Variants in TDP2 observed in about 807,000 individuals in gnomAD.
The protein encoded by TDP2 is 5'-Tyr-DNA phosphodiesterase.
In TDP2, 38 loss-of-function variants were observed where a neutral mutation model predicts 42.8. That is an observed-to-expected ratio of 0.89 (90% confidence interval 0.68 to 1.16). The LOEUF (loss-of-function observed/expected upper bound fraction) is 1.16. Ranked by LOEUF, TDP2 falls within the 50% of genes most tolerant of loss-of-function variation. The probability of loss-of-function intolerance (pLI) is 0.00; values close to 1 mark genes in which losing one functional copy is unlikely to be tolerated. For synonymous variants in TDP2, 173 were observed against 150.6 expected (o/e 1.15, Z -1.09); for missense variants, 439 against 439.3 (o/e 1.00, Z 0.01).
intron 2 of TDP2, chr6:24,665,887 G>C (rs772031940): frequency 8.8e-6 from 4 of 452,226 alleles, no homozygotes; most frequent in Non-Finnish European, 1.5e-5. Context: ...AAAAATTCCA[G>C]GCACAGGTAA....
intron 6 of TDP2, 101 bp from the exon 7 acceptor site, chr6:24,651,170 T>C: frequency 2.2e-6 from 2 of 913,256 alleles, no homozygotes; most frequent in Non-Finnish European, 3.2e-6. Flanking sequence ...GTGCAAGAAA[T>C]TATTAATGCA....
intron 2 of TDP2, among the ~76,000 whole-genome samples, chr6:24,663,788 G>A (rs1201313111): frequency 6.6e-6 from 1 of 152,178 alleles, no homozygotes; most frequent in Non-Finnish European, 1.5e-5. Context: ...CTGCAGAACT[G>A]TTAGCCAATT....
chr6:24,654,951 T>G (rs752497768), intron 4 of TDP2, among the ~76,000 whole-genome samples: 19 of 152,138 alleles, frequency 1.2e-4, no homozygotes, highest in Non-Finnish European at 2.2e-4. Context: ...ATTAGGCAAA[T>G]CACTTGAACC....
chr6:24,661,014 T>C (rs2127618350), intron 2 of TDP2, among the ~76,000 whole-genome samples: 1 of 152,346 alleles, frequency 6.6e-6, no homozygotes, highest in Non-Finnish European at 1.5e-5. Context: ...ATCACTTGGT[T>C]AAAGTGTTGT....
At chr6:24,666,195 T>C (rs1435120962) in intron 2 of TDP2, 4 of 1,550,264 alleles carry the variant, frequency 2.6e-6, no homozygotes, top group Non-Finnish European at 3.5e-6. Context: ...CAAGTTGCCA[T>C]TTTTCGATAG....
chr6:24,662,242 G>C (rs1339960115), intron 2 of TDP2, among the ~76,000 whole-genome samples: 1 of 152,010 alleles, frequency 6.6e-6, no homozygotes, highest in African/African-American at 2.4e-5. Flanking sequence ...CCCAAAAAGG[G>C]TCTGTGTTGA....
chr6:24,666,171 A>C, intron 2 of TDP2: 1 of 1,550,658 alleles, frequency 6.4e-7, no homozygotes, highest in Non-Finnish European at 8.7e-7. Flanking sequence ...CAATACAGGA[A>C]GCAAGGAGAC....
chr6:24,651,685 C>G (rs971038911), intron 6 of TDP2, among the ~76,000 whole-genome samples: 16 of 151,538 alleles, frequency 1.1e-4, no homozygotes, highest in Non-Finnish European at 2.9e-5. Context: ...CTCCCAGGTT[C>G]AAGCAATTCT....
Position 24,653,010 on chromosome 6 carries a change from T to A in TDP2, c.780A>T (p.Ala260=). 6.2e-7 allele frequency: 1 copy of A among 1,613,840 alleles called. No individual in the cohort carries two copies. The highest frequency in any genetic ancestry group is 8.5e-7 in the Non-Finnish European group (1 of 1,180,016). The change falls in exon 6 of 7, where the codon GCA becomes GCT. Residue 260 remains alanine (A), a synonymous_variant. Transcript: ENST00000378198. ...EAPESATVIF[A]GDTNLRDREV... ...CTCGATCCCTTAGATTTGTATCTCCTGCAAATATAACTGTAGCTGACTCTG... is the reference window on the plus strand; with the variant it reads ...CTCGATCCCTTAGATTTGTATCTCCAGCAAATATAACTGTAGCTGACTCTG...
chr6:24,651,844 C>T (rs1750584999), intron 6 of TDP2, among the ~76,000 whole-genome samples: 2 of 152,204 alleles, frequency 1.3e-5, no homozygotes, highest in South Asian at 4.1e-4. Flanking sequence ...ACCTCGGCCT[C>T]CCAAAGTGCT....
At chr6:24,656,725 A>C (rs1778066487) in intron 4 of TDP2, among the ~76,000 whole-genome samples, 1 of 152,178 alleles carries the variant, frequency 6.6e-6, no homozygotes, top group Admixed American at 6.5e-5. Flanking sequence ...TCTGAAGGAA[A>C]ACATCTATTT....
At chr6:24,652,118 A>G (rs748926995) in intron 6 of TDP2, among the ~76,000 whole-genome samples, 2 of 152,226 alleles carry the variant, frequency 1.3e-5, no homozygotes, top group Non-Finnish European at 2.9e-5. Context: ...GGAATCATAT[A>G]GTATCTTTTC....
Position 24,650,599 on chromosome 6 carries a change from G to A in TDP2, c.*189C>T. 1.6e-6 allele frequency: 1 copy of A among 625,020 alleles called. No homozygotes were observed. Among genetic ancestry groups the A allele is most frequent in the Non-Finnish European group, 2.7e-6 (1 of 369,270 alleles). 38.7% of individuals were successfully genotyped at this position (625,020 alleles called of 1,614,324 possible). A position where few individuals can be genotyped will look rare whatever the true frequency, so the allele number is the denominator to read the frequency against. ...TATTAAATGGCCTCACATCCTGAAT[G>A]CAGGAATGTGTTCGTTTAAATAAAC... On this transcript the variant is annotated 3_prime_UTR_variant, in exon 7 of 7. Coordinates refer to ENST00000378198, the MANE Select transcript of TDP2 (RefSeq NM_016614.3).
At chr6:24,664,032 G>A (rs1230115251) in intron 2 of TDP2, among the ~76,000 whole-genome samples, 1 of 152,194 alleles carries the variant, frequency 6.6e-6, no homozygotes, top group Non-Finnish European at 1.5e-5. Flanking sequence ...GCAAACTTTA[G>A]GGGCATGATT....
chr6:24,650,273 A>G lies in TDP2; in HGVS notation c.*515T>C, dbSNP rs1304794940. The G allele has an allele frequency of 6.5e-6, 1 of 153,122 alleles. No homozygotes were observed. Among genetic ancestry groups the G allele is most frequent in the African/African-American group, 2.4e-5 (1 of 41,458 alleles). The allele number at this position is 153,122 out of a possible 1,614,324, so 9.5% of individuals were successfully genotyped here. Reference sequence around the variant, plus strand: ...AGCCATAAGGTTTCAATTATAGCTTACCAATTATGTAATTAGCTGACAAAA... The same window carrying G: ...AGCCATAAGGTTTCAATTATAGCTTGCCAATTATGTAATTAGCTGACAAAA... On this transcript the variant is annotated 3_prime_UTR_variant, in exon 7 of 7. Transcript: ENST00000378198.
chr6:24,666,101 AT>A (rs1214412872), intron 2 of TDP2: 5 of 1,537,652 alleles, frequency 3.3e-6, no homozygotes, highest in African/African-American at 1.5e-5. Flanking sequence ...TTAAAAAAAA[AT>A]AACAACAACA....
intron 2 of TDP2, among the ~76,000 whole-genome samples, chr6:24,660,388 C>A (rs1343376580): frequency 3.3e-5 from 5 of 152,224 alleles, no homozygotes; most frequent in Non-Finnish European, 7.3e-5. Context: ...GTCTAGCCTA[C>A]TGCTCCTAGG....
At position 24,651,092 on chromosome 6, in the gene TDP2, C is replaced by G. The variant is rs3181245; in HGVS notation, c.808-23G>C. ...AACCTGAAAAGAAGAAGAATACTCT[C>G]TAAGATACACATAGCCTTTTGCCCA... On this transcript the variant is annotated intron_variant, in intron 6 of 6. Transcript: ENST00000378198. 716,134 of 1,567,822 alleles carry G rather than the reference C, an allele frequency of 0.46. 166,544 individuals are homozygous for G. The highest frequency in any genetic ancestry group is 0.49 in the Middle Eastern group (2,839 of 5,850).
intron 2 of TDP2, 154 bp downstream of exon 2, chr6:24,666,372 A>T: frequency 1.4e-6 from 2 of 1,417,548 alleles, no homozygotes; most frequent in South Asian, 2.5e-5. Flanking sequence ...TCCGCGCAGC[A>T]GCAGCAACGC....
Sources: gnomAD v4.1 joint callset for allele counts (sites outside exome capture counted in the v4.1 genomes callset) on GRCh38, gnomAD v4.1.1 for gene constraint, MANE v1.5 for transcripts, NCBI Gene and HGNC (gene_info 2026-07-23, HGNC 2026-07-21) for gene names.